The following TADA2A variants were observed in gnomAD, a reference collection of about 807,000 sequenced individuals.
The protein encoded by TADA2A is transcriptional adapter 2-alpha.
In TADA2A, 38 loss-of-function variants were observed where a neutral mutation model predicts 67.4. That is an observed-to-expected ratio of 0.56 (90% CI 0.44 to 0.74). The LOEUF is 0.74. TADA2A is among the 30% of genes least tolerant of loss of function. The probability of loss-of-function intolerance (pLI) is 0.00; values close to 1 mark genes in which losing one functional copy is unlikely to be tolerated. For missense variants in TADA2A, 454 were observed against 547.0 expected (o/e 0.83, Z 1.70); for synonymous variants, 192 against 181.6 (o/e 1.06, Z -0.46).
At position 37,477,071 on chromosome 17, in the gene TADA2A, T is replaced by A; in HGVS notation, c.*89T>A. On this transcript the variant is annotated 3_prime_UTR_variant, in exon 16 of 16. Coordinates refer to ENST00000615182, the MANE Select transcript of TADA2A (RefSeq NM_001166105.3). ...GGTGGGCATTCTGGAGAGTTGTTTTTCAGCTGAATTCTCATGGTGAAAACA... is the reference window on the plus strand; with the variant it reads ...GGTGGGCATTCTGGAGAGTTGTTTTACAGCTGAATTCTCATGGTGAAAACA... 7.6e-7 allele frequency: 1 copy of A among 1,320,694 alleles called. No individual in the cohort carries two copies. The highest frequency in any genetic ancestry group is 2.3e-4 in the Middle Eastern group (1 of 4,388). The allele number at this position is 1,320,694 out of a possible 1,614,324, so 81.8% of individuals were successfully genotyped here. A position where few individuals can be genotyped will look rare whatever the true frequency, so the allele number is the denominator to read the frequency against.
chr17:37,411,033 A>G (rs1240834209), intron 1 of TADA2A, among the ~76,000 whole-genome samples: 1 of 152,208 alleles, frequency 6.6e-6, no homozygotes, highest in Non-Finnish European at 1.5e-5. Flanking sequence ...ACCAGGTACC[A>G]TGCTACATTA....
intron 8 of TADA2A, among the ~76,000 whole-genome samples, chr17:37,445,787 A>G (rs1247071117): frequency 6.6e-6 from 1 of 152,070 alleles, no homozygotes; most frequent in Non-Finnish European, 1.5e-5. Flanking sequence ...TCAGAATTGA[A>G]TATGATACAG....
intron 7 of TADA2A, among the ~76,000 whole-genome samples, chr17:37,442,870 C>CA (rs1236201942): frequency 6.6e-6 from 1 of 152,080 alleles, no homozygotes; most frequent in African/African-American, 2.4e-5. Context: ...TTTAAACAAA[C>CA]AACCTATTTC....
Position 37,477,832 on chromosome 17 carries a change from C to T in TADA2A, c.*850C>T, listed in dbSNP as rs889399506. On this transcript the variant is annotated 3_prime_UTR_variant, in exon 16 of 16. Transcript: ENST00000615182. ...ATGATGGTCTTATCCCAAACTGCAT[C>T]TTTAACTTCGGCCGGGCAAGGTGGC... 2.0e-5 allele frequency: 3 copies of T among 152,126 alleles called. No individual in the cohort carries two copies. Among genetic ancestry groups the T allele is most frequent in the African/African-American group, 7.2e-5 (3 of 41,416 alleles). The allele number at this position is 152,126 out of a possible 1,614,324, so 9.4% of individuals were successfully genotyped here.
intron 7 of TADA2A, 41 bp downstream of exon 7, chr17:37,442,693 AT>A: frequency 6.3e-7 from 1 of 1,589,632 alleles, no homozygotes; most frequent in Non-Finnish European, 8.6e-7. Context: ...GGAAAAATTC[AT>A]TTTTGTTTCT....
intron 8 of TADA2A, among the ~76,000 whole-genome samples, chr17:37,457,491 CTTTTTTTTTTTTTT>C (rs71135729): frequency 0.01 from 757 of 72,448 alleles, 18 homozygotes; most frequent in African/African-American, 0.045. Flanking sequence ...AACATTAATT[CTTTTTTTTTTTTTT>C]TTTTTTTTTT....
chr17:37,444,780 T>C lies in TADA2A; in HGVS notation c.604+12T>C. The C allele has an allele frequency of 6.2e-7, 1 of 1,612,844 alleles. No individual in the cohort carries two copies. Among genetic ancestry groups the C allele is most frequent in the Non-Finnish European group, 8.5e-7 (1 of 1,178,906 alleles). ...GGACATTTTACATGGTAACAGTTTA[T>C]TTTGTCAAATGTTTATCGAGCGCCA... On this transcript the variant is annotated intron_variant, in intron 8 of 15. Transcript: ENST00000615182.
intron 4 of TADA2A, among the ~76,000 whole-genome samples, chr17:37,428,919 G>A (rs953522883): frequency 2.0e-5 from 3 of 151,800 alleles, no homozygotes; most frequent in African/African-American, 4.8e-5. Flanking sequence ...GGTGGTGGGC[G>A]CCTGTAGTCC....
At chr17:37,463,931 C>T (rs1319839636) in intron 10 of TADA2A, among the ~76,000 whole-genome samples, 3 of 151,492 alleles carry the variant, frequency 2.0e-5, no homozygotes, top group Admixed American at 6.6e-5. Context: ...CCAGCCTGGG[C>T]GACACAGCGA....
chr17:37,418,938 C>T (rs984381484), intron 2 of TADA2A, among the ~76,000 whole-genome samples: 2 of 144,754 alleles, frequency 1.4e-5, no homozygotes, highest in Non-Finnish European at 3.1e-5. Flanking sequence ...GCAGTATTGC[C>T]CAGGGTGGTC....
At chr17:37,460,671 A>G (rs147322580) in intron 9 of TADA2A, among the ~76,000 whole-genome samples, 146 of 152,362 alleles carry the variant, frequency 9.6e-4, no homozygotes, top group African/African-American at 3.3e-3. Context: ...TCTTTGCAAC[A>G]TATCAAAAAG....
chr17:37,443,299 G>A (rs1256731696), intron 7 of TADA2A, among the ~76,000 whole-genome samples: 1 of 151,390 alleles, frequency 6.6e-6, no homozygotes, highest in Non-Finnish European at 1.5e-5. Context: ...TGTTGCCCAG[G>A]CTGGAGTGCA....
chr17:37,424,513 T>C (rs1465420743), intron 3 of TADA2A, among the ~76,000 whole-genome samples: 2 of 151,752 alleles, frequency 1.3e-5, no homozygotes, highest in African/African-American at 4.8e-5. Flanking sequence ...AGACTCTGTA[T>C]CAAAAAACAA....
chr17:37,431,582 T>G (rs1346018704), intron 4 of TADA2A, among the ~76,000 whole-genome samples: 1 of 151,338 alleles, frequency 6.6e-6, no homozygotes, highest in Non-Finnish European at 1.5e-5. Flanking sequence ...TCTTTTCTTT[T>G]TTTTTTTTTT....
chr17:37,443,223 T>C (rs1251032316), intron 7 of TADA2A, among the ~76,000 whole-genome samples: 1 of 151,174 alleles, frequency 6.6e-6, no homozygotes, highest in African/African-American at 2.4e-5. Flanking sequence ...GGCTTCCACT[T>C]CCTTAGGTAT....
chr17:37,452,109 G>C (rs1206874011), intron 8 of TADA2A, among the ~76,000 whole-genome samples: 1 of 151,368 alleles, frequency 6.6e-6, no homozygotes, highest in African/African-American at 2.4e-5. Flanking sequence ...GGCTTATAAA[G>C]ATCTTGAAAT....
rs964635978 is a variant in TADA2A at position 37,455,672 on chromosome 17, C to T, written c.605-2852C>T. 2.0e-4 allele frequency among the ~76,000 whole-genome samples: 31 copies of T among 152,090 alleles called. 1 individual carries two copies. The highest frequency in any genetic ancestry group is 1.8e-3 in the Admixed American group (27 of 15,254). Reference sequence around the variant, plus strand: ...CTGGGATCAGAGGCATGAGCCACTGCGCCTGGCCGCTTACGAGGTTTTTTA... The same window carrying T: ...CTGGGATCAGAGGCATGAGCCACTGTGCCTGGCCGCTTACGAGGTTTTTTA... On this transcript the variant is annotated intron_variant, in intron 8 of 15. Coordinates refer to ENST00000615182, the MANE Select transcript of TADA2A (RefSeq NM_001166105.3).
chr17:37,421,958 A>G (rs1282983423), intron 2 of TADA2A, among the ~76,000 whole-genome samples: 1 of 145,548 alleles, frequency 6.9e-6, no homozygotes, highest in Non-Finnish European at 1.5e-5. Flanking sequence ...GGATCACTGC[A>G]ACCTCCGCCT....
intron 7 of TADA2A, 41 bp downstream of exon 7, chr17:37,442,693 A>T: frequency 6.3e-7 from 1 of 1,589,632 alleles, no homozygotes; most frequent in Non-Finnish European, 8.6e-7. Flanking sequence ...GGAAAAATTC[A>T]TTTTTGTTTC....
Sources: gnomAD v4.1 joint callset for allele counts (sites outside exome capture counted in the v4.1 genomes callset) on GRCh38, gnomAD v4.1.1 for gene constraint, MANE v1.5 for transcripts, NCBI Gene and HGNC (gene_info 2026-07-23, HGNC 2026-07-21) for gene names.